Variants in BCL9 observed in about 807,000 individuals in gnomAD.
BCL9 encodes BCL9 transcription coactivator, also known as B-cell CLL/lymphoma 9 protein.
BCL9 carries 25 observed loss-of-function variants against 88.5 expected under a neutral mutation model. The ratio of observed to expected loss-of-function variants is 0.28; its 90% CI spans 0.21 to 0.39. The LOEUF (loss-of-function observed/expected upper bound fraction) is 0.39, where lower values mean the gene tolerates loss of function less well. Among genes scored for constraint, BCL9 ranks in the 10% least tolerant of loss-of-function variants. The pLI is 1.00. For missense variants in BCL9, 1,817 were observed against 1,877.8 expected (o/e 0.97, Z 0.60); for synonymous variants, 711 against 673.3 (o/e 1.06, Z -0.87).
chr1:147,563,883 C>T (rs1182288409), intron 1 of BCL9, among the ~76,000 whole-genome samples: 1 of 152,206 alleles, frequency 6.6e-6, no homozygotes, highest in African/African-American at 2.4e-5. Context: ...ATCCTGAAAA[C>T]AGGTAAAATG....
At chr1:147,553,127 T>C (rs1496120) in intron 1 of BCL9, among the ~76,000 whole-genome samples, 23,886 of 152,072 alleles carry the variant, frequency 0.16, 4,863 homozygotes, top group African/African-American at 0.47. Flanking sequence ...TGTTCAGTTA[T>C]ATTGAGTTTC....
At chr1:147,555,619 C>T (rs1176814014) in intron 1 of BCL9, among the ~76,000 whole-genome samples, 1 of 152,142 alleles carries the variant, frequency 6.6e-6, no homozygotes, top group Non-Finnish European at 1.5e-5. Context: ...GGGCCAAGGC[C>T]CCATCTTTGG....
rs1658472116 is a variant in BCL9 at position 147,619,316 on chromosome 1, A to G, written c.1161A>G (p.Gly387=). The G allele has an allele frequency of 6.2e-7, 1 of 1,614,000 alleles. No individual in the cohort carries two copies. The highest frequency in any genetic ancestry group is 1.3e-5 in the African/African-American group (1 of 74,980). Residue 387 remains glycine, a synonymous_variant, in exon 8 of 10, where the codon GGA becomes GGG. Transcript: ENST00000234739. This position sits in a 1 kb window ranked among gnomAD's most constrained non-coding sequence, Gnocchi z 4.1. ...EKEFTGAQSG[G]PQQNPGVLDG... ...AATTCACAGGAGCACAAAGTGGGGGACCGCAGCAGAATCCTGGGGTATTAG... is the reference window on the plus strand; with the variant it reads ...AATTCACAGGAGCACAAAGTGGGGGGCCGCAGCAGAATCCTGGGGTATTAG...
chr1:147,561,828 A>T (rs1655389925), intron 1 of BCL9, among the ~76,000 whole-genome samples: 1 of 152,240 alleles, frequency 6.6e-6, no homozygotes, highest in Non-Finnish European at 1.5e-5. Flanking sequence ...AAGAGCAGCG[A>T]GAGTGTCATG....
chr1:147,622,683 G>A lies in BCL9; in HGVS notation c.3163+152G>A. ...AAGGTAGTTTCAGTAGAATGAAAGT[G>A]TCTTGACTAGAGGAAGATAATTTCT... On this transcript the variant is annotated intron_variant, in intron 9 of 9. Transcript: ENST00000234739. The A allele has an allele frequency of 6.1e-6, 6 of 986,068 alleles. No homozygotes were observed. The South Asian group carries it at 8.7e-5, about 14-fold the overall frequency. The allele number at this position is 986,068 out of a possible 1,614,324, so 61.1% of individuals were successfully genotyped here.
At chr1:147,580,984 T>A (rs1468119592) in intron 1 of BCL9, among the ~76,000 whole-genome samples, 1 of 152,158 alleles carries the variant, frequency 6.6e-6, no homozygotes, top group African/African-American at 2.4e-5. Flanking sequence ...TCCAGGTGTG[T>A]TTGATGATAA....
chr1:147,562,269 C>T (rs782263142), intron 1 of BCL9, among the ~76,000 whole-genome samples: 1 of 152,034 alleles, frequency 6.6e-6, no homozygotes, highest in Non-Finnish European at 1.5e-5. Context: ...GCAGAGATTG[C>T]GGTGAGCTGA....
chr1:147,545,323 C>T (rs1049136681), intron 1 of BCL9, among the ~76,000 whole-genome samples: 1 of 152,052 alleles, frequency 6.6e-6, no homozygotes, highest in Non-Finnish European at 1.5e-5. Context: ...TCACTTCCGA[C>T]ATACTCTCCC....
At chr1:147,614,384 G>A in intron 5 of BCL9, 43 bp from the exon 6 acceptor site, 1 of 1,595,164 alleles carries the variant, frequency 6.3e-7, no homozygotes, top group Non-Finnish European at 8.6e-7. Flanking sequence ...GCAGAAGAAA[G>A]GAAATTTTAT....
rs782089979 is a variant in BCL9, at chr1:147,623,957, C to T, written c.3279C>T (p.Pro1093=). 6.2e-7 allele frequency: 1 copy of T among 1,614,116 alleles called. No individual in the cohort carries two copies. The highest frequency in any genetic ancestry group is 1.3e-5 in the African/African-American group (1 of 74,928). Residue 1093 remains proline, a synonymous_variant, in exon 10 of 10, where the codon CCC becomes CCT. Coordinates refer to ENST00000234739, the MANE Select transcript of BCL9 (RefSeq NM_004326.4). ...TQPLSHSNQM[P]SPNAVGPNIP... ...CACTTTCTCACTCCAATCAGATGCC[C>T]TCTCCAAATGCCGTGGGACCCAACA... is the stretch of plus-strand genomic sequence containing the variant.
In BCL9 at chr1:147,623,964, A is replaced by G. The variant is rs782522199; in HGVS notation, c.3286A>G (p.Asn1096Asp). ...LSHSNQMPSP[N>D]AVGPNIPPHG... ...TCACTCCAATCAGATGCCCTCTCCA[A>G]ATGCCGTGGGACCCAACATACCTCC... Residue 1096 changes from asparagine to aspartate, a missense_variant, in exon 10 of 10, where the codon AAT becomes GAT. This residue lies in a region of BCL9 where 589 missense variants were observed against 686.2 expected (regional missense o/e 0.86). Coordinates refer to ENST00000234739, the MANE Select transcript of BCL9 (RefSeq NM_004326.4). The G allele has an allele frequency of 1.2e-6, 2 of 1,614,188 alleles. No homozygotes were observed. The highest frequency in any genetic ancestry group is 1.7e-6 in the Non-Finnish European group (2 of 1,180,026).
chr1:147,570,643 T>TC (rs1301508436), intron 1 of BCL9, among the ~76,000 whole-genome samples: 2,398 of 10,150 alleles, frequency 0.24, 117 homozygotes, highest in East Asian at 0.4. Context: ...TTTTTTCTTT[T>TC]TTTTTTTTGT....
In BCL9 at chr1:147,604,773, A is replaced by G. The variant is rs1657572591; in HGVS notation, c.-477-4A>G. 1 of 152,168 alleles carries G rather than the reference A, an allele frequency of 6.6e-6. No homozygotes were observed. The highest frequency in any genetic ancestry group is 2.4e-5 in the African/African-American group (1 of 41,428). The allele number at this position is 152,168 out of a possible 1,614,324, so 9.4% of individuals were successfully genotyped here. ...TGAACTTTTCTTTTTCCTTATCTGT[A>G]TAGGACTGAATGTGGGCCCAGTTGG... On this transcript the variant is annotated splice_polypyrimidine_tract_variant and splice_region_variant and intron_variant, in intron 1 of 9. Coordinates refer to ENST00000234739, the MANE Select transcript of BCL9 (RefSeq NM_004326.4).
intron 1 of BCL9, among the ~76,000 whole-genome samples, chr1:147,601,031 A>G (rs1657363125): frequency 6.6e-6 from 1 of 152,160 alleles, no homozygotes; most frequent in Non-Finnish European, 1.5e-5. Flanking sequence ...GTTGGTTATT[A>G]TGTCCAGAGG....
intron 1 of BCL9, among the ~76,000 whole-genome samples, chr1:147,595,005 G>A (rs1656986549): frequency 6.6e-6 from 1 of 152,218 alleles, no homozygotes; most frequent in Admixed American, 6.5e-5. Context: ...GTCCTTCAGA[G>A]GTGAGATGAG....
Position 147,624,705 on chromosome 1 carries a change from G to A in BCL9, c.4027G>A (p.Gly1343Ser), listed in dbSNP as rs782163147. The A allele has an allele frequency of 1.1e-5, 18 of 1,614,048 alleles. No homozygotes were observed. The highest frequency in any genetic ancestry group is 4.5e-5 in the East Asian group (2 of 44,890). Residue 1343 changes from glycine (G) to serine (S), a missense_variant, in exon 10 of 10, where the codon GGC becomes AGC. Coordinates refer to ENST00000234739, the MANE Select transcript of BCL9 (RefSeq NM_004326.4). The surrounding 1 kb of genome is among the most constrained non-coding windows in gnomAD (Gnocchi z 4.4). ...MMSPAQSTMP[G>S]QPTLMSNPAA... ...GTCACCAGCACAATCTACAATGCCCGGCCAGCCCACCCTGATGAGCAATCC... is the reference window on the plus strand; with the variant it reads ...GTCACCAGCACAATCTACAATGCCCAGCCAGCCCACCCTGATGAGCAATCC...
chr1:147,587,786 G>A (rs1656683898), intron 1 of BCL9, among the ~76,000 whole-genome samples: 1 of 144,010 alleles, frequency 6.9e-6, no homozygotes, highest in Admixed American at 6.7e-5. Flanking sequence ...GTGTGTGTGT[G>A]TGTGTGTGTG....
At position 147,613,203 on chromosome 1, in the gene BCL9, T is replaced by C. The variant is rs1184290604; in HGVS notation, c.370+4T>C. The C allele has an allele frequency of 6.2e-7, 1 of 1,614,054 alleles. No homozygotes were observed. Among genetic ancestry groups the C allele is most frequent in the African/African-American group, 1.3e-5 (1 of 74,944 alleles). The stretch of plus-strand genomic sequence containing the variant: ...AACGATGACTCTGACATTAAAGGTA[T>C]GTCTATAAGATCTTTGAGACTCAGA... On this transcript the variant is annotated splice_donor_region_variant and intron_variant, in intron 5 of 9. Coordinates refer to ENST00000234739, the MANE Select transcript of BCL9 (RefSeq NM_004326.4).
Position 147,624,673 on chromosome 1 carries a change from G to A in BCL9, c.3995G>A (p.Arg1332Gln), listed in dbSNP as rs782677333. Reference sequence around the variant, plus strand: ...CAAGGCATGATGGGACCTCACCATCGGATGATGTCACCAGCACAATCTACA... The same window carrying A: ...CAAGGCATGATGGGACCTCACCATCAGATGATGTCACCAGCACAATCTACA... ...LQQGMMGPHH[R>Q]MMSPAQSTMP... The change falls in exon 10 of 10, where the codon CGG becomes CAG. Residue 1332 changes from arginine (R) to glutamine (Q), a missense_variant. Transcript: ENST00000234739. This position sits in a 1 kb window ranked among gnomAD's most constrained non-coding sequence, Gnocchi z 4.4. 1.3e-5 allele frequency: 21 copies of A among 1,613,962 alleles called. No individual in the cohort carries two copies. The highest frequency in any genetic ancestry group is 4.4e-5 in the South Asian group (4 of 91,082).
Sources: allele counts gnomAD v4.1 joint callset (sites outside exome capture counted in the v4.1 genomes callset), GRCh38; gene constraint gnomAD v4.1.1; regional missense constraint gnomAD v4.1.1; non-coding constraint Gnocchi (gnomAD v3.1); transcripts MANE v1.5; gene names NCBI Gene and HGNC (gene_info 2026-07-23, HGNC 2026-07-21).